The following LIMCH1 variants were observed in gnomAD, a reference collection of about 807,000 sequenced individuals.
The protein encoded by LIMCH1 is LIM and calponin homology domains 1.
LIMCH1 carries 113 observed loss-of-function variants against 176.5 expected under a neutral mutation model. The ratio of observed to expected loss-of-function variants is 0.64; its 90% CI spans 0.55 to 0.75. The LOEUF (loss-of-function observed/expected upper bound fraction) is 0.75. Among genes scored for constraint, LIMCH1 ranks in the 30% least tolerant of loss-of-function variants. LIMCH1 has a pLI of 0.00. For missense variants in LIMCH1, 1,674 were observed against 1,814.9 expected (o/e 0.92, Z 1.41); for synonymous variants, 619 against 645.9 (o/e 0.96, Z 0.63).
chr4:41,477,444 G>C (rs2067917616), intron 1 of LIMCH1, among the ~76,000 whole-genome samples: 2 of 152,138 alleles, frequency 1.3e-5, no homozygotes, highest in African/African-American at 4.8e-5. Flanking sequence ...TGGTAGCTCT[G>C]ACTACCACAC....
In LIMCH1 at chr4:41,414,353, T is replaced by TA. The variant is rs1260366851; in HGVS notation, c.96+53423dup. Among the ~76,000 whole-genome samples, 14 of 152,114 alleles carry TA rather than the reference T, an allele frequency of 9.2e-5. 1 individual carries two copies. Among genetic ancestry groups the TA allele is most frequent in the Admixed American group, 3.3e-4 (5 of 15,282 alleles). On this transcript the variant is annotated intron_variant, in intron 1 of 26. Coordinates refer to the LIMCH1 transcript ENST00000313860. ...ACTACTGAAGTTGATTATCTTAAAT[T>TA]AAAAAACCGTTATCCCGATCTACCC...
At chr4:41,480,088 G>A (rs1195553166) in intron 1 of LIMCH1, among the ~76,000 whole-genome samples, 1 of 151,794 alleles carries the variant, frequency 6.6e-6, no homozygotes, top group Non-Finnish European at 1.5e-5. Flanking sequence ...TAAGTACTAA[G>A]TGTCCTATTA....
chr4:41,458,482 A>C (rs1036159033), intron 1 of LIMCH1, among the ~76,000 whole-genome samples: 1 of 152,104 alleles, frequency 6.6e-6, no homozygotes, highest in Non-Finnish European at 1.5e-5. Flanking sequence ...AGGTGAGTTA[A>C]AGATGGATTG....
upstream of LIMCH1, among the ~76,000 whole-genome samples, chr4:41,534,325 G>C (rs1376801085): frequency 6.6e-6 from 1 of 152,108 alleles, no homozygotes; most frequent in Admixed American, 6.6e-5. Flanking sequence ...ACAATGCTAA[G>C]ACACTGGCAA....
chr4:41,626,707 G>T lies in LIMCH1; in HGVS notation c.726-1G>T, dbSNP rs1466999628. Reference sequence around the variant, plus strand: ...AGTCCCATTTAATTTTCCCCTATCAGTCAAAAACAATTAAGTGAAGAGAAA... The same window carrying T: ...AGTCCCATTTAATTTTCCCCTATCATTCAAAAACAATTAAGTGAAGAGAAA... On this transcript the variant is annotated splice_acceptor_variant, in intron 7 of 31. Transcript: ENST00000503057. LOFTEE classifies it high-confidence loss of function. 1 of 1,534,648 alleles carries T rather than the reference G, an allele frequency of 6.5e-7. No homozygotes were observed. Among genetic ancestry groups the T allele is most frequent in the African/African-American group, 1.4e-5 (1 of 72,958 alleles).
intron 1 of LIMCH1, among the ~76,000 whole-genome samples, chr4:41,447,812 A>T (rs1318277806): frequency 6.6e-6 from 1 of 151,876 alleles, no homozygotes; most frequent in African/African-American, 2.4e-5. Context: ...CGTTTTTGAG[A>T]CAGGGTCTCC....
intron 18 of LIMCH1, among the ~76,000 whole-genome samples, chr4:41,660,104 GTA>G (rs1184145080): frequency 6.6e-6 from 1 of 151,978 alleles, no homozygotes; most frequent in Non-Finnish European, 1.5e-5. Flanking sequence ...GTATAGGCAT[GTA>G]TATAATCATA....
At chr4:41,629,998 G>A (rs928413725) in intron 9 of LIMCH1, among the ~76,000 whole-genome samples, 4 of 151,960 alleles carry the variant, frequency 2.6e-5, no homozygotes, top group Non-Finnish European at 4.4e-5. Flanking sequence ...TAGAGACAAG[G>A]TCTCACTATG....
At chr4:41,360,457 C>T (rs974607619), upstream of LIMCH1, among the ~76,000 whole-genome samples, 6 of 152,208 alleles carry the variant, frequency 3.9e-5, no homozygotes, top group South Asian at 1.2e-3. The surrounding 1 kb of genome is among the most constrained non-coding windows in gnomAD (Gnocchi z 4.5). Context: ...TGCGGGGCGG[C>T]CAGCGGATTC....
Position 41,631,447 on chromosome 4 carries a change from A to G in LIMCH1, c.1571A>G (p.His524Arg). The G allele has an allele frequency of 1.3e-6, 2 of 1,521,512 alleles. No individual in the cohort carries two copies. Among genetic ancestry groups the G allele is most frequent in the Admixed American group, 2.1e-5 (1 of 47,844 alleles). The allele number at this position is 1,521,512 out of a possible 1,614,324, so 94.3% of individuals were successfully genotyped here. Reference sequence around the variant, plus strand: ...GCGGCCACTTCCAGCTTAAAGGGCCACCAAATATTTAATCGACAAAATGAC... The same window carrying G: ...GCGGCCACTTCCAGCTTAAAGGGCCGCCAAATATTTAATCGACAAAATGAC... Reference protein sequence around the residue: ...VSAATSSLKGHQIFNRQNDCR... With the variant: ...VSAATSSLKGRQIFNRQNDCR... The change falls in exon 10 of 32, where the codon CAC (histidine) becomes CGC (arginine). Residue 524 changes from histidine (H) to arginine (R), a missense_variant. Around this residue, in one of 3 missense-constraint regions of LIMCH1, gnomAD observed 655 missense variants for 692.2 expected, o/e 0.95. Transcript: ENST00000503057.
In LIMCH1 at chr4:41,671,598, A is replaced by G; in HGVS notation, c.3438+4A>G. ...GAAGTCACCTGTTATGACACCTGTAAGTCACTCATTTTAAGGAATAAGATT... is the reference window on the plus strand; with the variant it reads ...GAAGTCACCTGTTATGACACCTGTAGGTCACTCATTTTAAGGAATAAGATT... On this transcript the variant is annotated splice_donor_region_variant and intron_variant, in intron 22 of 31. Coordinates refer to ENST00000503057, the MANE Select transcript of LIMCH1 (RefSeq NM_001330672.2). 6.4e-7 allele frequency: 1 copy of G among 1,573,108 alleles called. No individual in the cohort carries two copies. Among genetic ancestry groups the G allele is most frequent in the Non-Finnish European group, 8.7e-7 (1 of 1,143,010 alleles).
chr4:41,694,838 G>A (rs1729206389), intron 31 of LIMCH1, among the ~76,000 whole-genome samples: 1 of 151,944 alleles, frequency 6.6e-6, no homozygotes, highest in African/African-American at 2.4e-5. Flanking sequence ...ATTCAGAAAA[G>A]TGCACTCTCC....
intron 21 of LIMCH1, among the ~76,000 whole-genome samples, chr4:41,669,164 C>G (rs980683240): frequency 4.6e-5 from 7 of 152,166 alleles, no homozygotes; most frequent in Non-Finnish European, 1.0e-4. Context: ...TGACCTTACC[C>G]ATCAGATTTC....
intron 1 of LIMCH1, among the ~76,000 whole-genome samples, chr4:41,366,282 T>C (rs1360111228): frequency 6.6e-6 from 1 of 152,178 alleles, no homozygotes; most frequent in Non-Finnish European, 1.5e-5. Context: ...AAAATACATT[T>C]TGTATTTTGT....
chr4:41,386,908 TA>T (rs2056568186), intron 1 of LIMCH1, among the ~76,000 whole-genome samples: 1 of 152,238 alleles, frequency 6.6e-6, no homozygotes, highest in African/African-American at 2.4e-5. Context: ...TTCTTTACTT[TA>T]ATTGTTTTTA....
chr4:41,602,622 A>G (rs1012956333), intron 2 of LIMCH1, among the ~76,000 whole-genome samples: 3 of 152,130 alleles, frequency 2.0e-5, no homozygotes, highest in African/African-American at 7.2e-5. Flanking sequence ...ATGGAGACCA[A>G]CATGGTGAAA....
chr4:41,436,028 A>G (rs552217338), intron 1 of LIMCH1, among the ~76,000 whole-genome samples: 2 of 152,326 alleles, frequency 1.3e-5, no homozygotes, highest in South Asian at 2.1e-4. Context: ...ACTTTCAATG[A>G]TACAGGCACT....
At chr4:41,565,919 A>G (rs1284854442) in intron 1 of LIMCH1, among the ~76,000 whole-genome samples, 1 of 152,236 alleles carries the variant, frequency 6.6e-6, no homozygotes, top group Non-Finnish European at 1.5e-5. Flanking sequence ...CAGACTGTGT[A>G]CTAGGCATGG....
At chr4:41,651,954 A>C (rs1417679022) in intron 18 of LIMCH1, among the ~76,000 whole-genome samples, 1 of 152,214 alleles carries the variant, frequency 6.6e-6, no homozygotes, top group East Asian at 1.9e-4. Context: ...CACTACACAG[A>C]TGCAGCCCTG....
Sources: allele counts gnomAD v4.1 joint callset (sites outside exome capture counted in the v4.1 genomes callset), GRCh38; gene constraint gnomAD v4.1.1; regional missense constraint gnomAD v4.1.1; non-coding constraint Gnocchi (gnomAD v3.1); transcripts MANE v1.5; gene names NCBI Gene and HGNC (gene_info 2026-07-23, HGNC 2026-07-21).